LRRC4C: variants seen among roughly 807,000 people sequenced by gnomAD.
LRRC4C encodes leucine-rich repeat-containing protein 4C.
LRRC4C carries 5 observed loss-of-function variants against 33.6 expected under a neutral mutation model. That is an observed-to-expected ratio of 0.15 (90% CI 0.08 to 0.31). LRRC4C has a LOEUF of 0.31. LRRC4C is among the 10% of genes least tolerant of loss of function. LRRC4C has a pLI of 1.00. For synonymous variants in LRRC4C, 329 were observed against 302.0 expected, an observed-to-expected ratio of 1.09 and a Z score of -0.93; for missense variants, 560 against 796.7, an observed-to-expected ratio of 0.70 and a Z score of 3.58.
intron 3 of LRRC4C, among the ~76,000 whole-genome samples, chr11:40,474,017 G>A (rs952758930): frequency 6.6e-6 from 1 of 152,120 alleles, no homozygotes; most frequent in Non-Finnish European, 1.5e-5. Context: ...CATGAAAATG[G>A]CCATACTTCC....
intron 1 of LRRC4C, among the ~76,000 whole-genome samples, chr11:41,253,019 T>C (rs1948691345): frequency 6.6e-6 from 1 of 152,058 alleles, no homozygotes; most frequent in South Asian, 2.1e-4. Context: ...TATCATTAGG[T>C]TTTTAACTCA....
chr11:40,800,271 C>T (rs1323250882), intron 2 of LRRC4C, among the ~76,000 whole-genome samples: 2 of 152,072 alleles, frequency 1.3e-5, no homozygotes, highest in African/African-American at 2.4e-5. Context: ...AAAAGAAGTC[C>T]TGGCAAAACA....
intron 1 of LRRC4C, among the ~76,000 whole-genome samples, chr11:41,379,436 T>C (rs934851167): frequency 6.6e-6 from 1 of 152,172 alleles, no homozygotes; most frequent in African/African-American, 2.4e-5. Flanking sequence ...TGTTTGGCAG[T>C]ACTGGTAACT....
intron 1 of LRRC4C, among the ~76,000 whole-genome samples, chr11:41,086,022 G>A (rs184614851): frequency 1.4e-4 from 20 of 147,898 alleles, no homozygotes; most frequent in African/African-American, 4.5e-4. Flanking sequence ...AAGCTTCTCT[G>A]CCTTTTGTAC....
At chr11:41,105,316 A>G (rs1941431429) in intron 1 of LRRC4C, among the ~76,000 whole-genome samples, 1 of 152,032 alleles carries the variant, frequency 6.6e-6, no homozygotes, top group Admixed American at 6.6e-5. Flanking sequence ...GCATCATCCC[A>G]TCCAAAAAAA....
chr11:40,566,086 G>GTTTTTTTTTTTTTTTTTTTTTTTTTAT, intron 3 of LRRC4C, among the ~76,000 whole-genome samples: 1 of 62,796 alleles, frequency 1.6e-5, no homozygotes, highest in Non-Finnish European at 2.9e-5. Context: ...TTTTTACTAA[G>GTTTTTTTTTTTTTTTTTTTTTTTTTAT]TTTTTTTTTT....
At chr11:40,228,590 T>C (rs1384492482) in intron 5 of LRRC4C, among the ~76,000 whole-genome samples, 1 of 152,218 alleles carries the variant, frequency 6.6e-6, no homozygotes, top group Non-Finnish European at 1.5e-5. Context: ...GCATAAGGAC[T>C]AGCAGGCATA....
rs1477867735 is a variant in LRRC4C, at chr11:40,886,963, T to TATAC, written c.-407+46671_-407+46672insGTAT. On this transcript the variant is annotated intron_variant, in intron 2 of 6. Coordinates refer to ENST00000528697, the MANE Select transcript of LRRC4C (RefSeq NM_001258419.2). Reference sequence around the variant, plus strand: ...ACGTATATATACACGTGTGTGTATATATATACATATATATATATACGTGTA... The same window carrying TATAC: ...ACGTATATATACACGTGTGTGTATATATACATATACATATATATATATACGTGTA... 1.1e-4 allele frequency among the ~76,000 whole-genome samples: 16 copies of TATAC among 148,768 alleles called. No individual in the cohort carries two copies. The East Asian group carries it at 1.2e-3, about 11-fold the overall frequency.
chr11:40,420,732 T>A (rs1469895217), intron 3 of LRRC4C, among the ~76,000 whole-genome samples: 1 of 152,214 alleles, frequency 6.6e-6, no homozygotes, highest in Non-Finnish European at 1.5e-5. Flanking sequence ...AACTATGGCT[T>A]GCCAGCTCAT....
At chr11:41,304,095 G>A (rs1950384149) in intron 1 of LRRC4C, among the ~76,000 whole-genome samples, 1 of 76,048 alleles carries the variant, frequency 1.3e-5, no homozygotes, top group Non-Finnish European at 3.3e-5. Flanking sequence ...GAGGTGAGGG[G>A]CGCCTCTGCC....
chr11:41,115,727 C>A (rs1234244913), intron 1 of LRRC4C, among the ~76,000 whole-genome samples: 1 of 152,098 alleles, frequency 6.6e-6, no homozygotes, highest in Admixed American at 6.6e-5. Context: ...TTTCTAAGTT[C>A]TCTAAAGGTA....
At chr11:40,303,593 T>C (rs1339477323) in intron 4 of LRRC4C, among the ~76,000 whole-genome samples, 10 of 152,216 alleles carry the variant, frequency 6.6e-5, no homozygotes, top group Non-Finnish European at 1.5e-5. Context: ...ATTGTCCTAT[T>C]AATTACTTGA....
intron 1 of LRRC4C, among the ~76,000 whole-genome samples, chr11:41,359,470 C>A (rs1952274554): frequency 6.6e-6 from 1 of 152,064 alleles, no homozygotes; most frequent in South Asian, 2.1e-4. Flanking sequence ...CATCTCTGTA[C>A]CTTCCTCTCA....
At chr11:40,534,048 T>G (rs967632) in intron 3 of LRRC4C, among the ~76,000 whole-genome samples, 13,713 of 152,174 alleles carry the variant, frequency 0.09, 777 homozygotes, top group Middle Eastern at 0.15. Flanking sequence ...TGAACTTGAA[T>G]TAGATGCAAA....
chr11:40,831,888 A>G (rs936395176), intron 2 of LRRC4C, among the ~76,000 whole-genome samples: 1 of 152,166 alleles, frequency 6.6e-6, no homozygotes, highest in Non-Finnish European at 1.5e-5. Flanking sequence ...TGGGGATTAT[A>G]AGGTCTGTAA....
intron 2 of LRRC4C, among the ~76,000 whole-genome samples, chr11:40,904,582 C>G (rs1956338628): frequency 2.0e-5 from 3 of 152,146 alleles, no homozygotes; most frequent in Admixed American, 1.3e-4. Context: ...TGTTATAATT[C>G]TGGGGGAGTG....
chr11:41,380,570 C>A (rs1228074258), intron 1 of LRRC4C, among the ~76,000 whole-genome samples: 1 of 151,960 alleles, frequency 6.6e-6, no homozygotes, highest in Non-Finnish European at 1.5e-5. Context: ...AGAAAATTAG[C>A]ATTAATTACA....
intron 2 of LRRC4C, among the ~76,000 whole-genome samples, chr11:40,783,612 T>C (rs77725649): frequency 3.3e-5 from 5 of 152,276 alleles, no homozygotes; most frequent in Admixed American, 2.0e-4. Context: ...CTGCCTGAGC[T>C]ACTTTATTTT....
At chr11:40,909,309 C>T (rs942012941) in intron 2 of LRRC4C, among the ~76,000 whole-genome samples, 4 of 152,006 alleles carry the variant, frequency 2.6e-5, no homozygotes, top group Non-Finnish European at 4.4e-5. Flanking sequence ...CTTGCTTTGA[C>T]TAAATTTGCC....
Sources: gnomAD v4.1 joint callset for allele counts (sites outside exome capture counted in the v4.1 genomes callset) on GRCh38, gnomAD v4.1.1 for gene constraint, MANE v1.5 for transcripts, NCBI Gene and HGNC (gene_info 2026-07-23, HGNC 2026-07-21) for gene names.